Variants in CAST observed in about 807,000 individuals in gnomAD.
CAST encodes the protein MIR583 host.
Under a neutral mutation model 119.6 loss-of-function variants are expected in CAST, and 76 were observed. That is an observed-to-expected ratio of 0.64 (90% CI 0.53 to 0.77). The LOEUF is 0.77. Among genes scored for constraint, CAST ranks in the 30% least tolerant of loss-of-function variants. The probability of loss-of-function intolerance (pLI) is 0.00; values close to 1 mark genes in which losing one functional copy is unlikely to be tolerated. For synonymous variants in CAST, 319 were observed against 331.6 expected (o/e 0.96, Z 0.41); for missense variants, 953 against 946.5 (o/e 1.01, Z -0.09).
chr5:96,425,173 A>G, the CAST span, among the ~76,000 whole-genome samples: 2 of 152,218 alleles, frequency 1.3e-5, no homozygotes, highest in East Asian at 3.8e-4. Context: ...AATCTTTTAT[A>G]AAATTCTCAA....
chr5:96,551,237 G>A (rs943238073), intron 1 of CAST, among the ~76,000 whole-genome samples: 6 of 152,196 alleles, frequency 3.9e-5, no homozygotes, highest in Admixed American at 6.5e-5. Context: ...AACCCTACAA[G>A]CCAGAAGAGA....
chr5:96,700,482 G>T (rs895562482), intron 3 of CAST, among the ~76,000 whole-genome samples: 2 of 152,120 alleles, frequency 1.3e-5, no homozygotes, highest in Admixed American at 6.5e-5. Flanking sequence ...GAGTCAGTGT[G>T]GGTTTTATTA....
At chr5:96,629,188 A>G (rs1580852452) in intron 1 of CAST, among the ~76,000 whole-genome samples, 1 of 152,192 alleles carries the variant, frequency 6.6e-6, no homozygotes, top group East Asian at 1.9e-4. Flanking sequence ...GAGTGGGTTG[A>G]TATAAAGCGA....
At chr5:96,206,998 T>C in the CAST span, among the ~76,000 whole-genome samples, 1 of 152,122 alleles carries the variant, frequency 6.6e-6, no homozygotes, top group African/African-American at 2.4e-5. Context: ...TGTTTTGTAG[T>C]TCTTGTAGAG....
the CAST span, among the ~76,000 whole-genome samples, chr5:96,282,276 G>A: frequency 6.6e-6 from 1 of 152,188 alleles, no homozygotes; most frequent in Non-Finnish European, 1.5e-5. Flanking sequence ...GCTTCAGCAT[G>A]AGAACATTCT....
At chr5:96,492,122 G>T in the CAST span, among the ~76,000 whole-genome samples, 1 of 152,186 alleles carries the variant, frequency 6.6e-6, no homozygotes, top group Non-Finnish European at 1.5e-5. Context: ...TTGTGTATTT[G>T]TCTTTATGTA....
At chr5:96,575,517 A>G (rs769663745) in intron 1 of CAST, among the ~76,000 whole-genome samples, 4 of 152,174 alleles carry the variant, frequency 2.6e-5, no homozygotes, top group East Asian at 1.9e-4. Flanking sequence ...TCTATTAAGT[A>G]TGATGTCAGC....
At chr5:96,383,629 G>C in the CAST span, among the ~76,000 whole-genome samples, 1 of 152,164 alleles carries the variant, frequency 6.6e-6, no homozygotes, top group Non-Finnish European at 1.5e-5. Flanking sequence ...TGTATTTTTA[G>C]TAGAGATGAG....
the CAST span, among the ~76,000 whole-genome samples, chr5:96,264,035 G>C: frequency 2.6e-5 from 4 of 152,224 alleles, no homozygotes; most frequent in Non-Finnish European, 5.9e-5. Context: ...TGGGAACACA[G>C]AGCCAAACCA....
intron 1 of CAST, among the ~76,000 whole-genome samples, chr5:96,600,511 G>A (rs548421483): frequency 1.3e-5 from 2 of 152,230 alleles, no homozygotes; most frequent in African/African-American, 2.4e-5. Flanking sequence ...AGAAAGAGAA[G>A]TGATGGGAAT....
At chr5:96,289,043 C>T in the CAST span, among the ~76,000 whole-genome samples, 5 of 151,452 alleles carry the variant, frequency 3.3e-5, no homozygotes, top group South Asian at 2.1e-4. Flanking sequence ...TGAAGTGTCA[C>T]GTTCCATTTT....
chr5:96,455,914 A>C, the CAST span, among the ~76,000 whole-genome samples: 1 of 152,174 alleles, frequency 6.6e-6, no homozygotes, highest in Non-Finnish European at 1.5e-5. Flanking sequence ...GCATCTATTT[A>C]GAGATGATCA....
At chr5:96,335,537 C>A in the CAST span, among the ~76,000 whole-genome samples, 1 of 152,180 alleles carries the variant, frequency 6.6e-6, no homozygotes, top group African/African-American at 2.4e-5. Flanking sequence ...CTGTTTTAGC[C>A]TACCGCTCTT....
At chr5:96,493,027 G>T in the CAST span, among the ~76,000 whole-genome samples, 3 of 152,214 alleles carry the variant, frequency 2.0e-5, no homozygotes, top group Middle Eastern at 3.4e-3. Context: ...ACTTTAAAAG[G>T]TCAATACAGT....
intron 1 of CAST, among the ~76,000 whole-genome samples, chr5:96,538,726 C>A (rs1423582572): frequency 1.7e-5 from 2 of 121,168 alleles, no homozygotes; most frequent in African/African-American, 5.9e-5. Flanking sequence ...TTCACTCATA[C>A]ATAAGACCCC....
chr5:96,337,876 A>C, the CAST span, among the ~76,000 whole-genome samples: 3 of 152,254 alleles, frequency 2.0e-5, no homozygotes, highest in East Asian at 1.9e-4. Context: ...TAGCAAAGAC[A>C]TGAACCTAAC....
the CAST span, among the ~76,000 whole-genome samples, chr5:96,386,285 T>C: frequency 1.1e-4 from 17 of 152,344 alleles, no homozygotes; most frequent in South Asian, 3.3e-3. Flanking sequence ...TTATTCAATA[T>C]CTTCTTTTCC....
the CAST span, among the ~76,000 whole-genome samples, chr5:96,249,636 A>G: frequency 1.4e-4 from 21 of 152,240 alleles, no homozygotes; most frequent in Non-Finnish European, 2.2e-4. Context: ...GTCATTTTTG[A>G]AAGAGGCCTA....
chr5:96,502,144 T>C, the CAST span, among the ~76,000 whole-genome samples: 51 of 152,224 alleles, frequency 3.4e-4, no homozygotes, highest in Non-Finnish European at 6.5e-4. Flanking sequence ...ACCTTTTTTC[T>C]CTCACAGCAC....
Sources: gnomAD v4.1 joint callset for allele counts (sites outside exome capture counted in the v4.1 genomes callset) on GRCh38, gnomAD v4.1.1 for gene constraint, MANE v1.5 for transcripts, NCBI Gene and HGNC (gene_info 2026-07-23, HGNC 2026-07-21) for gene names.